GRAMD1C: variants seen among roughly 807,000 people sequenced by gnomAD.
GRAMD1C encodes protein Aster-C.
In GRAMD1C, 89 loss-of-function variants were observed where a neutral mutation model predicts 97.8. The observed-to-expected ratio is 0.91, with a 90% CI of 0.77 to 1.09. The LOEUF (loss-of-function observed/expected upper bound fraction) is 1.09. Among genes scored for constraint, GRAMD1C ranks in the 50% least tolerant of loss-of-function variants. GRAMD1C has a pLI of 0.00. For synonymous variants in GRAMD1C, 256 were observed against 267.0 expected (o/e 0.96, Z 0.40); for missense variants, 740 against 766.4 (o/e 0.97, Z 0.41).
intron 2 of GRAMD1C, among the ~76,000 whole-genome samples, chr3:113,849,135 C>T (rs527508334): frequency 1.3e-5 from 2 of 151,826 alleles, no homozygotes; most frequent in African/African-American, 4.8e-5. Context: ...ATTCTTTTAG[C>T]GATATAGAGT....
intron 15 of GRAMD1C, 42 bp from the exon 16 acceptor site, chr3:113,939,844 G>T (rs773391970): frequency 2.0e-6 from 2 of 1,017,246 alleles, no homozygotes; most frequent in African/African-American, 3.1e-5. Context: ...AATGCTTTAG[G>T]TCTGGAAAAG....
intron 10 of GRAMD1C, 111 bp from the exon 11 acceptor site, chr3:113,930,603 A>G: frequency 1.6e-6 from 1 of 642,754 alleles, no homozygotes; most frequent in Non-Finnish European, 2.8e-6. Flanking sequence ...TAAGGAAGTT[A>G]GCACTAGTCA....
chr3:113,878,388 T>C (rs1935130326), intron 5 of GRAMD1C, among the ~76,000 whole-genome samples: 1 of 152,106 alleles, frequency 6.6e-6, no homozygotes, highest in African/African-American at 2.4e-5. Flanking sequence ...CTCCAAGGAG[T>C]CCTAGTTTCT....
At chr3:113,837,295 T>C (rs1234869263), upstream of GRAMD1C, among the ~76,000 whole-genome samples, 1 of 152,078 alleles carries the variant, frequency 6.6e-6, no homozygotes, top group African/African-American at 2.4e-5. Context: ...TTATAGCTGT[T>C]TGGTTGGGAA....
intron 10 of GRAMD1C, among the ~76,000 whole-genome samples, chr3:113,920,789 T>C (rs1321647756): frequency 6.6e-6 from 1 of 152,142 alleles, no homozygotes; most frequent in Non-Finnish European, 1.5e-5. Context: ...GTGATCCACC[T>C]GCCTCGGCCT....
At chr3:113,832,445 G>A (rs929394321) in intron 1 of GRAMD1C, among the ~76,000 whole-genome samples, 5 of 152,004 alleles carry the variant, frequency 3.3e-5, no homozygotes, top group African/African-American at 7.2e-5. Context: ...TTTATGTTAT[G>A]GTAAAATATA....
intron 1 of GRAMD1C, among the ~76,000 whole-genome samples, chr3:113,839,160 C>T (rs1709707895): frequency 6.6e-6 from 1 of 152,146 alleles, no homozygotes; most frequent in African/African-American, 2.4e-5. Flanking sequence ...TCCCTGTGGG[C>T]GTTGAGGGCT....
intron 10 of GRAMD1C, chr3:113,919,945 G>A (rs2107347622): frequency 1.5e-6 from 1 of 663,866 alleles, no homozygotes; most frequent in Middle Eastern, 3.4e-4. Flanking sequence ...ACCAGTAAAA[G>A]GTGAATCAAT....
At chr3:113,903,124 C>A (rs1390529689) in intron 7 of GRAMD1C, among the ~76,000 whole-genome samples, 1 of 149,984 alleles carries the variant, frequency 6.7e-6, no homozygotes, top group Non-Finnish European at 1.5e-5. Context: ...GCCACCACGC[C>A]CAGCTAATTT....
At chr3:113,830,171 T>C (rs994431742) in intron 1 of GRAMD1C, among the ~76,000 whole-genome samples, 1 of 152,110 alleles carries the variant, frequency 6.6e-6, no homozygotes, top group Non-Finnish European at 1.5e-5. Context: ...TTGCACAGCA[T>C]GCAAAGAAGC....
intron 6 of GRAMD1C, chr3:113,885,275 C>T: frequency 1.4e-6 from 2 of 1,387,232 alleles, no homozygotes; most frequent in East Asian, 2.4e-5. Context: ...GCCTCCGGGG[C>T]CGGCGGTGCC....
intron 1 of GRAMD1C, among the ~76,000 whole-genome samples, chr3:113,842,820 G>C (rs1933403249): frequency 6.6e-6 from 1 of 151,806 alleles, no homozygotes; most frequent in Non-Finnish European, 1.5e-5. Flanking sequence ...AAAATTAGCC[G>C]GGTGAGGTGG....
intron 8 of GRAMD1C, among the ~76,000 whole-genome samples, chr3:113,905,155 A>G (rs1359846536): frequency 6.6e-6 from 1 of 152,102 alleles, no homozygotes; most frequent in East Asian, 1.9e-4. Context: ...TTTTTATTCC[A>G]GTGTGCTTCA....
chr3:113,858,045 T>G (rs1934219691), intron 2 of GRAMD1C, among the ~76,000 whole-genome samples: 1 of 152,174 alleles, frequency 6.6e-6, no homozygotes, highest in Non-Finnish European at 1.5e-5. Context: ...TTGTTCTGTT[T>G]TTTGGAGAGA....
At chr3:113,831,988 T>C (rs1247587347) in intron 1 of GRAMD1C, among the ~76,000 whole-genome samples, 1 of 152,148 alleles carries the variant, frequency 6.6e-6, no homozygotes, top group Non-Finnish European at 1.5e-5. Context: ...GTGTACCTTA[T>C]AATTTTTTGT....
Position 113,939,890 on chromosome 3 carries a change from T to C in GRAMD1C, c.1696T>C (p.Leu566=). The change falls in exon 16 of 18, where the codon TTG becomes CTG. Residue 566 remains leucine (L), a synonymous_variant. Transcript: ENST00000358160. ...TLIVVMSIFV[L]LLVLLNVTLF... is the part of the protein sequence containing the mutation. The stretch of plus-strand genomic sequence containing the variant: ...CATATAATTTGCTCTGCCTAGTGTG[T>C]TGTTATTAGTTTTGTTGAATGTGAC... 6.4e-7 allele frequency: 1 copy of C among 1,551,164 alleles called. No individual in the cohort carries two copies. The highest frequency in any genetic ancestry group is 8.9e-7 in the Non-Finnish European group (1 of 1,122,488).
intron 2 of GRAMD1C, among the ~76,000 whole-genome samples, chr3:113,859,044 T>A (rs552481508): frequency 6.6e-6 from 1 of 152,328 alleles, no homozygotes; most frequent in Non-Finnish European, 1.5e-5. Context: ...TTTGTTTTAT[T>A]GATATTCTCC....
chr3:113,930,262 C>G (rs533195242), intron 10 of GRAMD1C, among the ~76,000 whole-genome samples: 1 of 152,104 alleles, frequency 6.6e-6, no homozygotes, highest in Admixed American at 6.6e-5. Flanking sequence ...ATAACATTGA[C>G]ATAATTTCTA....
chr3:113,830,157 C>T (rs1334667726), intron 1 of GRAMD1C, among the ~76,000 whole-genome samples: 3 of 152,046 alleles, frequency 2.0e-5, no homozygotes, highest in Admixed American at 6.6e-5. Flanking sequence ...ACTAGGTGTG[C>T]GGTTTGCACA....
Sources: allele counts gnomAD v4.1 joint callset (sites outside exome capture counted in the v4.1 genomes callset), GRCh38; gene constraint gnomAD v4.1.1; transcripts MANE v1.5; gene names NCBI Gene and HGNC (gene_info 2026-07-23, HGNC 2026-07-21).